Variants in PSMA8 observed in about 807,000 individuals in gnomAD.
PSMA8 encodes proteasome subunit alpha-type 8.
In PSMA8, 18 loss-of-function variants were observed where a neutral mutation model predicts 32.4. The ratio of observed to expected loss-of-function variants is 0.56; its 90% CI spans 0.38 to 0.82. The LOEUF is 0.82. Ranked by LOEUF, PSMA8 falls within the 40% of genes least tolerant of loss-of-function variation. The pLI, the probability that PSMA8 is intolerant of heterozygous loss-of-function variation, is 0.00. For synonymous variants in PSMA8, 104 were observed against 98.1 expected, an observed-to-expected ratio of 1.06 and a Z score of -0.36; for missense variants, 298 against 300.7, an observed-to-expected ratio of 0.99 and a Z score of 0.07.
At chr18:26,188,226 T>G (rs995004732) in intron 6 of PSMA8, among the ~76,000 whole-genome samples, 1 of 151,900 alleles carries the variant, frequency 6.6e-6, no homozygotes, top group Non-Finnish European at 1.5e-5. Context: ...AATTGAAAAT[T>G]TTCTTGAAAC....
At chr18:26,186,281 A>G (rs1175646903) in intron 6 of PSMA8, among the ~76,000 whole-genome samples, 1 of 147,622 alleles carries the variant, frequency 6.8e-6, no homozygotes, top group Non-Finnish European at 1.5e-5. Flanking sequence ...AAAAAAACGC[A>G]AAGTGAGGCT....
chr18:26,159,190 C>A (rs1288394204), intron 4 of PSMA8, among the ~76,000 whole-genome samples: 5 of 152,012 alleles, frequency 3.3e-5, no homozygotes, highest in African/African-American at 9.7e-5. Flanking sequence ...TATTAAGAGC[C>A]AAATAAATTA....
intron 3 of PSMA8, 36 bp from the exon 4 acceptor site, chr18:26,158,086 A>AC: frequency 7.0e-7 from 1 of 1,423,980 alleles, no homozygotes; most frequent in Non-Finnish European, 9.7e-7. Flanking sequence ...TTTGTAACTA[A>AC]TAGTTTTATT....
At chr18:26,186,271 A>C (rs945275565) in intron 6 of PSMA8, among the ~76,000 whole-genome samples, 6 of 149,980 alleles carry the variant, frequency 4.0e-5, no homozygotes, top group Admixed American at 1.3e-4. Flanking sequence ...AAAAAAAAAA[A>C]AAAAAACGCA....
At chr18:26,158,878 CA>C (rs1346240584) in intron 4 of PSMA8, among the ~76,000 whole-genome samples, 1 of 152,122 alleles carries the variant, frequency 6.6e-6, no homozygotes, top group Non-Finnish European at 1.5e-5. Context: ...GAGGCTGAGA[CA>C]GGGGGATTGC....
In PSMA8 at chr18:26,165,958, T is replaced by C. The variant is rs551335042; in HGVS notation, c.477+7714T>C. ...TAAAAAAAAAATACAAAAAATTAGC[T>C]GTTCCTGGTGGTGTATGCATGTAAT... On this transcript the variant is annotated intron_variant, in intron 4 of 6. Coordinates refer to ENST00000415576, the MANE Select transcript of PSMA8 (RefSeq NM_001025096.2). 1.3e-3 allele frequency among the ~76,000 whole-genome samples: 191 copies of C among 151,862 alleles called. 1 individual carries two copies. The highest frequency in any genetic ancestry group is 4.1e-3 in the African/African-American group (171 of 41,442).
intron 4 of PSMA8, among the ~76,000 whole-genome samples, chr18:26,161,683 C>G (rs1204004053): frequency 6.6e-6 from 1 of 152,114 alleles, no homozygotes; most frequent in Non-Finnish European, 1.5e-5. Flanking sequence ...GGCTGTAGTG[C>G]ACTATGATCA....
At position 26,163,436 on chromosome 18, in the gene PSMA8, C is replaced by A. The variant is rs144045252; in HGVS notation, c.477+5192C>A. On this transcript the variant is annotated intron_variant, in intron 4 of 6. Coordinates refer to ENST00000415576, the MANE Select transcript of PSMA8 (RefSeq NM_001025096.2). Reference sequence around the variant, plus strand: ...TGTTCCAAACACAGAAACAAAAGGGCAAAATCCCAAGGCAGTAGCATGTTC... The same window carrying A: ...TGTTCCAAACACAGAAACAAAAGGGAAAAATCCCAAGGCAGTAGCATGTTC... Among the ~76,000 whole-genome samples, 366 of 151,822 alleles carry A rather than the reference C, an allele frequency of 2.4e-3. 1 individual carries two copies. The highest frequency in any genetic ancestry group is 8.4e-3 in the African/African-American group (350 of 41,434).
intron 4 of PSMA8, among the ~76,000 whole-genome samples, chr18:26,167,581 G>A (rs781543615): frequency 1.3e-5 from 2 of 152,152 alleles, no homozygotes; most frequent in African/African-American, 2.4e-5. Context: ...AAATGAGGTC[G>A]TAAGGATAGG....
chr18:26,133,938 C>T lies in PSMA8; in HGVS notation c.-28C>T, dbSNP rs199655437. On this transcript the variant is annotated 5_prime_UTR_variant, in exon 1 of 7. Transcript: ENST00000415576. ...GCCTCAGCTGCAGCAGCGGGAAGCT[C>T]GGTGGCAAGCCCTTGTAGTCCTGTG... is the stretch of plus-strand genomic sequence containing the variant. The T allele has an allele frequency of 1.9e-6, 3 of 1,582,342 alleles. No individual in the cohort carries two copies. Among genetic ancestry groups the T allele is most frequent in the Admixed American group, 1.7e-5 (1 of 59,648 alleles).
rs537735639 is a variant in PSMA8 at position 26,142,290 on chromosome 18, C to T, written c.103-2269C>T. Among the ~76,000 whole-genome samples the T allele has an allele frequency of 6.6e-5, 10 of 152,150 alleles. No homozygotes were observed. The East Asian group carries it at 1.2e-3, about 18-fold the overall frequency. ...TCCTGACCTCGTGATCCACCCACCT[C>T]GGCCTCCCCAATAATGCTACTTTAT... On this transcript the variant is annotated intron_variant, in intron 1 of 6. Coordinates refer to ENST00000415576, the MANE Select transcript of PSMA8 (RefSeq NM_001025096.2).
chr18:26,156,320 G>A (rs1415499728), intron 3 of PSMA8, among the ~76,000 whole-genome samples: 1 of 152,082 alleles, frequency 6.6e-6, no homozygotes, highest in East Asian at 1.9e-4. Context: ...ATCATCCAAA[G>A]GTAAAGAAAT....
chr18:26,187,689 G>T (rs564347174), intron 6 of PSMA8, among the ~76,000 whole-genome samples: 3 of 151,192 alleles, frequency 2.0e-5, no homozygotes, highest in African/African-American at 7.4e-5. Flanking sequence ...AGACAAAAAA[G>T]GTCACTATAT....
chr18:26,163,446 A>G (rs1381141188), intron 4 of PSMA8, among the ~76,000 whole-genome samples: 1 of 151,996 alleles, frequency 6.6e-6, no homozygotes, highest in Non-Finnish European at 1.5e-5. Flanking sequence ...CAAAATCCCA[A>G]GGCAGTAGCA....
chr18:26,146,700 C>T (rs536614956), intron 2 of PSMA8, among the ~76,000 whole-genome samples: 63 of 152,246 alleles, frequency 4.1e-4, no homozygotes, highest in African/African-American at 1.4e-3. Context: ...CAGGTTGAGG[C>T]TGCAGTGAGC....
intron 1 of PSMA8, among the ~76,000 whole-genome samples, chr18:26,141,176 C>T (rs994645945): frequency 2.6e-5 from 4 of 151,640 alleles, no homozygotes; most frequent in African/African-American, 9.7e-5. Context: ...TTATTTTTCC[C>T]CTTAAGCTTA....
At chr18:26,180,695 GACACACACACAC>G (rs45627236) in intron 6 of PSMA8, among the ~76,000 whole-genome samples, 47 of 143,450 alleles carry the variant, frequency 3.3e-4, no homozygotes, top group Non-Finnish European at 5.6e-4. Context: ...TATAAAAATA[GACACACACACAC>G]ACACACACAC....
chr18:26,171,279 C>A, intron 4 of PSMA8: 1 of 1,521,538 alleles, frequency 6.6e-7, no homozygotes, highest in Non-Finnish European at 8.6e-7. Context: ...GTTTAGCGAA[C>A]CAACCATGAC....
intron 4 of PSMA8, among the ~76,000 whole-genome samples, chr18:26,166,788 C>A (rs938426002): frequency 1.3e-5 from 2 of 152,150 alleles, no homozygotes; most frequent in African/African-American, 4.8e-5. Context: ...AAGGAAACAA[C>A]TGACAGTTGT....
Sources: allele counts gnomAD v4.1 joint callset (sites outside exome capture counted in the v4.1 genomes callset), GRCh38; gene constraint gnomAD v4.1.1; transcripts MANE v1.5; gene names NCBI Gene and HGNC (gene_info 2026-07-23, HGNC 2026-07-21).